TNK2: variants seen among roughly 807,000 people sequenced by gnomAD.
The protein encoded by TNK2 is tyrosine kinase non receptor 2.
A neutral mutation model predicts 101.8 loss-of-function variants in TNK2; 83 were observed. The ratio of observed to expected loss-of-function variants is 0.82; its 90% CI spans 0.68 to 0.98. The LOEUF is 0.98. Among genes scored for constraint, TNK2 ranks in the 50% least tolerant of loss-of-function variants. The pLI, the probability that TNK2 is intolerant of heterozygous loss-of-function variation, is 0.00. For synonymous variants in TNK2, 804 were observed against 633.0 expected, an observed-to-expected ratio of 1.27 and a Z score of -4.06; for missense variants, 1,665 against 1,483.2, an observed-to-expected ratio of 1.12 and a Z score of -2.01.
At chr3:195,893,907 AG>A (rs1759576054) in intron 1 of TNK2, among the ~76,000 whole-genome samples, 1 of 152,178 alleles carries the variant, frequency 6.6e-6, no homozygotes, top group Non-Finnish European at 1.5e-5. Flanking sequence ...TGATGCCAAA[AG>A]GGACAGCCAT....
rs1383078167 is a variant in TNK2, at chr3:195,882,073, G to A, written c.865C>T (p.His289Tyr). The A allele has an allele frequency of 2.5e-6, 4 of 1,611,440 alleles. No homozygotes were observed. The highest frequency in any genetic ancestry group is 1.1e-5 in the South Asian group (1 of 91,070). Residue 289 changes from histidine to tyrosine, a missense_variant, in exon 6 of 16, where the codon CAT becomes TAT. Physicochemically the swap from His to Tyr is moderately conservative, Grantham distance 83. Around this residue, in one of 3 missense-constraint regions of TNK2, gnomAD observed 490 missense variants for 522.5 expected, o/e 0.94. Coordinates refer to ENST00000672887, the MANE Select transcript of TNK2 (RefSeq NM_001382273.1). This position sits in a 1 kb window ranked among gnomAD's most constrained non-coding sequence, Gnocchi z 4.2. ...QNDDHYVMQE[H>Y]RKVPFAWCAP... ...CACCAGGCGAAGGGCACCTTGCGAT[G>A]TTCCTGCATGACGTAATGGTCGTCA...
chr3:195,904,087 T>C (rs995433481), intron 1 of TNK2, among the ~76,000 whole-genome samples: 9 of 148,628 alleles, frequency 6.1e-5, no homozygotes, highest in Admixed American at 1.3e-4. Flanking sequence ...CTCCCGTCTC[T>C]ACAGAAAATT....
chr3:195,879,501 T>A (rs1482261028), intron 6 of TNK2: 1 of 210,508 alleles, frequency 4.8e-6, no homozygotes, highest in Non-Finnish European at 9.6e-6. Context: ...CAGGCTGTTT[T>A]CTGACTGTGG....
At chr3:195,891,875 G>A (rs573318213) in intron 1 of TNK2, 20 of 975,380 alleles carry the variant, frequency 2.1e-5, no homozygotes, top group African/African-American at 8.8e-5. Flanking sequence ...AGCACAGCCC[G>A]GCCTGTTCCC....
rs4082351 is a variant in TNK2, at chr3:195,907,188, G to T, written c.-19+1297C>A. On this transcript the variant is annotated intron_variant, in intron 1 of 15. Transcript: ENST00000672887. ...GTTCTCTCCACTGAAGCCAGACAGT[G>T]AGAGCCACTCTGGCCATTCCAGAAG... Among the ~76,000 whole-genome samples the T allele has an allele frequency of 1.1e-3, 163 of 152,366 alleles. 1 individual carries two copies. Among genetic ancestry groups the T allele is most frequent in the African/African-American group, 3.8e-3 (157 of 41,592 alleles).
intron 10 of TNK2, among the ~76,000 whole-genome samples, chr3:195,871,332 G>A (rs1021648044): frequency 6.6e-6 from 1 of 152,124 alleles, no homozygotes; most frequent in Non-Finnish European, 1.5e-5. Flanking sequence ...GTACTGTGTG[G>A]TGGGGAGGCG....
Position 195,886,994 on chromosome 3 carries a change from T to C in TNK2, c.217A>G (p.Lys73Glu), listed in dbSNP as rs199747325. The C allele has an allele frequency of 6.2e-7, 1 of 1,614,090 alleles. No individual in the cohort carries two copies. Among genetic ancestry groups the C allele is most frequent in the Non-Finnish European group, 8.5e-7 (1 of 1,179,986 alleles). ...VKRRKALCKR[K>E]SWMSKVFSGK... is the part of the protein sequence containing the mutation. ...TCACCCACCTTACTCATCCACGACT[T>C]GCGTTTGCACAAGGCCTTCCTCCTC... The change falls in exon 3 of 16, where the codon AAG becomes GAG. Residue 73 changes from lysine (K) to glutamate (E), a missense_variant. By Grantham distance (56) the Lys-to-Glu change is moderately conservative (BLOSUM62 1). Coordinates refer to ENST00000672887, the MANE Select transcript of TNK2 (RefSeq NM_001382273.1). This position sits in a 1 kb window ranked among gnomAD's most constrained non-coding sequence, Gnocchi z 4.2.
rs115588506 is a variant in TNK2 at position 195,888,613 on chromosome 3, G to A, written c.-18-7C>T. 715 of 1,603,572 alleles carry A rather than the reference G, an allele frequency of 4.5e-4. 2 individuals carry two copies. In the African/African-American group the frequency reaches 7.7e-3, roughly 17 times the overall value. Reference sequence around the variant, plus strand: ...TTCTGCCGCCTCCCAGCCTCTGTGGGGGGAGGAGTGGCTCAGGGACAAGGG... The same window carrying A: ...TTCTGCCGCCTCCCAGCCTCTGTGGAGGGAGGAGTGGCTCAGGGACAAGGG... On this transcript the variant is annotated splice_region_variant and splice_polypyrimidine_tract_variant and intron_variant, in intron 1 of 15. Coordinates refer to ENST00000672887, the MANE Select transcript of TNK2 (RefSeq NM_001382273.1). This position sits in a 1 kb window ranked among gnomAD's most constrained non-coding sequence, Gnocchi z 5.3.
chr3:195,868,704 T>C lies in TNK2; in HGVS notation c.1594A>G (p.Thr532Ala), dbSNP rs761090992. ...PQPAFFTQKP[T>A]YDPVSEDQDP... ...TGGTCCTCGCTCACAGGGTCATAGG[T>C]TGGTTCTGTGATGGAAAGGGAGAGC... The change falls in exon 13 of 16, where the codon ACC becomes GCC. Residue 532 changes from threonine (T) to alanine (A), a missense_variant. By Grantham distance (58) the Thr-to-Ala change is moderately conservative. Coordinates refer to ENST00000672887, the MANE Select transcript of TNK2 (RefSeq NM_001382273.1). 3.2e-6 allele frequency: 5 copies of C among 1,569,100 alleles called. No individual in the cohort carries two copies. The African/African-American group carries it at 5.6e-5, about 18-fold the overall frequency.
chr3:195,867,886 C>T lies in TNK2; in HGVS notation c.2412G>A (p.Ser804=), dbSNP rs778504240. The T allele has an allele frequency of 4.1e-5, 62 of 1,528,090 alleles. No individual in the cohort carries two copies. Among genetic ancestry groups the T allele is most frequent in the African/African-American group, 8.4e-5 (6 of 71,554 alleles). The allele number at this position is 1,528,090 out of a possible 1,614,324, so 94.7% of individuals were successfully genotyped here. A position where few individuals can be genotyped will look rare whatever the true frequency, so the allele number is the denominator to read the frequency against. ...PPREPLSPQG[S]RTPSPLVPPG... ...GTGGTACCAGGGGGCTGGGTGTCCTCGAGCCTTGAGGGGACAGGGGCTCCC... is the reference window on the plus strand; with the variant it reads ...GTGGTACCAGGGGGCTGGGTGTCCTTGAGCCTTGAGGGGACAGGGGCTCCC... Residue 804 remains serine, a synonymous_variant, in exon 13 of 16, where the codon TCG becomes TCA. Transcript: ENST00000672887.
chr3:195,871,358 G>GGAA (rs1553906379), intron 10 of TNK2, among the ~76,000 whole-genome samples: 1 of 152,102 alleles, frequency 6.6e-6, no homozygotes, highest in Non-Finnish European at 1.5e-5. Context: ...GCCACCTAAC[G>GGAA]TTCCCTCTGC....
At chr3:195,907,551 A>C (rs1422636068) in intron 1 of TNK2, among the ~76,000 whole-genome samples, 1 of 152,212 alleles carries the variant, frequency 6.6e-6, no homozygotes, top group Non-Finnish European at 1.5e-5. Flanking sequence ...AGTGCCAGGT[A>C]AGAGGCGAAC....
In TNK2 at chr3:195,906,347, T is replaced by C. The variant is rs1577125635; in HGVS notation, c.-19+2138A>G. On this transcript the variant is annotated intron_variant, in intron 1 of 15. Coordinates refer to ENST00000672887, the MANE Select transcript of TNK2 (RefSeq NM_001382273.1). ...GATTTACCTAAGATAAATAAAAGTG[T>C]ACATCCACACAAAGACTAACAAACA... Among the ~76,000 whole-genome samples the C allele has an allele frequency of 5.3e-5, 8 of 152,268 alleles. No homozygotes were observed. The South Asian group carries it at 1.5e-3, about 28-fold the overall frequency.
Position 195,878,241 on chromosome 3 carries a change from T to A in TNK2, c.1256+12A>T. On this transcript the variant is annotated intron_variant, in intron 9 of 15. Coordinates refer to ENST00000672887, the MANE Select transcript of TNK2 (RefSeq NM_001382273.1). This position sits in a 1 kb window ranked among gnomAD's most constrained non-coding sequence, Gnocchi z 4.7. ...GCGATCCCAGGGCGGGGCCCAGCCC[T>A]GCACTCCCTACCTTCCCTCGATGAC... 6.2e-7 allele frequency: 1 copy of A among 1,613,586 alleles called. No individual in the cohort carries two copies. The highest frequency in any genetic ancestry group is 8.5e-7 in the Non-Finnish European group (1 of 1,179,574).
intron 9 of TNK2, among the ~76,000 whole-genome samples, chr3:195,873,461 CGGGGGCGGTG>C (rs1746894843): frequency 6.6e-6 from 1 of 151,124 alleles, no homozygotes; most frequent in Non-Finnish European, 1.5e-5. Context: ...TCTGGGCAGG[CGGGGGCGGTG>C]AGAGCCCCGT....
In TNK2 at chr3:195,870,039, G is replaced by A. The variant is rs527437985; in HGVS notation, c.1543+75C>T. The stretch of plus-strand genomic sequence containing the variant: ...CCCAAAAACAGAACAGCAGCCTTAG[G>A]GTGGCCTGTGAAGACAGTGCCCCTT... On this transcript the variant is annotated intron_variant, in intron 11 of 15. Transcript: ENST00000672887. 1.4e-5 allele frequency: 16 copies of A among 1,148,188 alleles called. No homozygotes were observed. In the East Asian group the frequency reaches 2.9e-4, roughly 21 times the overall value. 71.1% of individuals were successfully genotyped at this position (1,148,188 alleles called of 1,614,324 possible).
chr3:195,866,653 A>G (rs1375307571), intron 15 of TNK2, among the ~76,000 whole-genome samples: 1 of 152,258 alleles, frequency 6.6e-6, no homozygotes, highest in Non-Finnish European at 1.5e-5. Context: ...CTTCAACCAG[A>G]GAGGCTCCAA....
chr3:195,887,910 G>A lies in TNK2; in HGVS notation c.163+516C>T, dbSNP rs1021267804. ...TACGCACGTGCATGCGTGTGTGCAC[G>A]TGCATGCGTGCGTGCACGTGTGTGC... On this transcript the variant is annotated intron_variant, in intron 2 of 15. Transcript: ENST00000672887. Among the ~76,000 whole-genome samples, 52 of 146,080 alleles carry A rather than the reference G, an allele frequency of 3.6e-4. 1 individual carries two copies. The highest frequency in any genetic ancestry group is 2.1e-3 in the South Asian group (10 of 4,678).
chr3:195,888,320 G>T lies in TNK2; in HGVS notation c.163+106C>A. 8.0e-7 allele frequency: 1 copy of T among 1,245,412 alleles called. No individual in the cohort carries two copies. The highest frequency in any genetic ancestry group is 1.1e-6 in the Non-Finnish European group (1 of 879,728). The allele number at this position is 1,245,412 out of a possible 1,614,324, so 77.1% of individuals were successfully genotyped here. ...ACTGATGTCCCTCCTGCTCCCTCAG[G>T]GCTCTGGGACAGAGTTCTCAGCTGC... On this transcript the variant is annotated intron_variant, in intron 2 of 15. Coordinates refer to ENST00000672887, the MANE Select transcript of TNK2 (RefSeq NM_001382273.1). This position sits in a 1 kb window ranked among gnomAD's most constrained non-coding sequence, Gnocchi z 5.3.
Sources: gnomAD v4.1 joint callset for allele counts (sites outside exome capture counted in the v4.1 genomes callset) on GRCh38, gnomAD v4.1.1 for gene constraint, gnomAD v4.1.1 regional missense constraint, Gnocchi (gnomAD v3.1) non-coding constraint, MANE v1.5 for transcripts, NCBI Gene and HGNC (gene_info 2026-07-23, HGNC 2026-07-21) for gene names.